The following NRXN3 variants were observed in gnomAD, a reference collection of about 807,000 sequenced individuals.
The protein encoded by NRXN3 is neurexin 3.
NRXN3 carries 32 observed loss-of-function variants against 137.6 expected under a neutral mutation model. The ratio of observed to expected loss-of-function variants is 0.23; its 90% CI spans 0.18 to 0.31. The LOEUF is 0.31. Ranked by LOEUF, NRXN3 falls within the 10% of genes least tolerant of loss-of-function variation. The probability of loss-of-function intolerance (pLI) is 1.00; values close to 1 mark genes in which losing one functional copy is unlikely to be tolerated. For synonymous variants in NRXN3, 798 were observed against 784.5 expected (o/e 1.02, Z -0.29); for missense variants, 1,574 against 2,062.5 (o/e 0.76, Z 4.59).
intron 15 of NRXN3, among the ~76,000 whole-genome samples, chr14:79,210,562 G>A (rs1374674756): frequency 6.6e-6 from 1 of 152,108 alleles, no homozygotes; most frequent in Non-Finnish European, 1.5e-5. Flanking sequence ...TAGAAACTTA[G>A]CTGGCTTGAA....
At chr14:78,466,937 A>T (rs531484035) in intron 4 of NRXN3, among the ~76,000 whole-genome samples, 2 of 152,312 alleles carry the variant, frequency 1.3e-5, no homozygotes, top group African/African-American at 4.8e-5. Context: ...ACAATCCCCC[A>T]TGACACAAGT....
chr14:79,332,917 C>T (rs1398298027), intron 15 of NRXN3, among the ~76,000 whole-genome samples: 1 of 152,080 alleles, frequency 6.6e-6, no homozygotes, highest in Non-Finnish European at 1.5e-5. Flanking sequence ...ATTGTAATGA[C>T]CACCCTTTTC....
At chr14:79,541,536 A>T (rs2097272599) in intron 16 of NRXN3, among the ~76,000 whole-genome samples, 1 of 152,186 alleles carries the variant, frequency 6.6e-6, no homozygotes, top group Admixed American at 6.5e-5. Context: ...TACATTCCAT[A>T]TCTTTTGGGG....
At chr14:79,274,705 A>G (rs2079998533) in intron 15 of NRXN3, among the ~76,000 whole-genome samples, 1 of 152,104 alleles carries the variant, frequency 6.6e-6, no homozygotes, top group Non-Finnish European at 1.5e-5. Flanking sequence ...GGAAGAGTTC[A>G]TATTTTTTTA....
chr14:78,413,438 A>T (rs550314467), intron 4 of NRXN3, among the ~76,000 whole-genome samples: 1 of 152,296 alleles, frequency 6.6e-6, no homozygotes, highest in African/African-American at 2.4e-5. Context: ...GGCATGTGCC[A>T]CCACGCCCGG....
chr14:78,524,500 A>G (rs1055277655), intron 4 of NRXN3, among the ~76,000 whole-genome samples: 30 of 152,302 alleles, frequency 2.0e-4, no homozygotes, highest in Non-Finnish European at 4.3e-4. Flanking sequence ...TATTAAAAAC[A>G]CTGATTCCTA....
At chr14:79,324,564 A>C (rs1442579729) in intron 15 of NRXN3, among the ~76,000 whole-genome samples, 1 of 152,186 alleles carries the variant, frequency 6.6e-6, no homozygotes, top group Non-Finnish European at 1.5e-5. Context: ...GAAAATATGC[A>C]CTATGTTTAG....
rs111458632 is a variant in NRXN3, at chr14:79,610,677, A to G, written c.3445-53101A>G. ...GACTTAGCAATTTAAACTGCTTCTA[A>G]ATAGAGTTACGTGAGTTTTTCCCCA... On this transcript the variant is annotated intron_variant, in intron 16 of 20. Transcript: ENST00000335750. Among the ~76,000 whole-genome samples, 574 of 152,310 alleles carry G rather than the reference A, an allele frequency of 3.8e-3. 7 individuals carry two copies. The highest frequency in any genetic ancestry group is 0.013 in the African/African-American group (539 of 41,558).
intron 15 of NRXN3, among the ~76,000 whole-genome samples, chr14:79,417,021 A>G (rs2095506619): frequency 6.6e-6 from 1 of 152,166 alleles, no homozygotes; most frequent in Non-Finnish European, 1.5e-5. Flanking sequence ...AGAACTTACA[A>G]ACATAGCCTT....
At chr14:79,262,690 A>T (rs776405631) in intron 15 of NRXN3, among the ~76,000 whole-genome samples, 1 of 152,178 alleles carries the variant, frequency 6.6e-6, no homozygotes, top group African/African-American at 2.4e-5. Flanking sequence ...GGAGAGGACA[A>T]ATGTGTACAA....
At chr14:79,745,114 G>A (rs1198023937) in intron 19 of NRXN3, among the ~76,000 whole-genome samples, 3 of 151,834 alleles carry the variant, frequency 2.0e-5, no homozygotes, top group Non-Finnish European at 4.4e-5. Flanking sequence ...TGCAGAACTA[G>A]GGGAGAAATT....
chr14:78,790,881 A>G (rs765769023), intron 8 of NRXN3, among the ~76,000 whole-genome samples: 44 of 152,220 alleles, frequency 2.9e-4, no homozygotes, highest in Non-Finnish European at 5.4e-4. Context: ...TTGTGAAGTT[A>G]TGGAGCTAAT....
intron 16 of NRXN3, among the ~76,000 whole-genome samples, chr14:79,583,073 A>T (rs991528884): frequency 6.6e-6 from 1 of 152,262 alleles, no homozygotes; most frequent in African/African-American, 2.4e-5. Context: ...CACACAAAAA[A>T]GTAAAACACA....
chr14:79,239,253 A>C (rs1366504263), intron 15 of NRXN3, among the ~76,000 whole-genome samples: 2 of 152,084 alleles, frequency 1.3e-5, no homozygotes, highest in Non-Finnish European at 2.9e-5. Context: ...GTTGTACTGT[A>C]CTCACTTATT....
rs372039727 is a variant in NRXN3 at position 78,434,115 on chromosome 14, GT to G, written c.757+136256del. On this transcript the variant is annotated intron_variant, in intron 4 of 20. Coordinates refer to ENST00000335750, the MANE Select transcript of NRXN3 (RefSeq NM_001330195.2). Reference sequence around the variant, plus strand: ...TACAGTAAAATGTTGAATATCTCATGTAATTTATCGAAATGTTGTACTGAAA... The same window carrying G: ...TACAGTAAAATGTTGAATATCTCATGAATTTATCGAAATGTTGTACTGAAA... Among the ~76,000 whole-genome samples, 24 of 152,298 alleles carry G rather than the reference GT, an allele frequency of 1.6e-4. 1 individual carries two copies. The South Asian group carries it at 4.8e-3, about 30-fold the overall frequency.
At chr14:79,542,219 A>G (rs1458090402) in intron 16 of NRXN3, among the ~76,000 whole-genome samples, 2 of 152,222 alleles carry the variant, frequency 1.3e-5, no homozygotes, top group South Asian at 4.1e-4. Context: ...GAAGAATAAC[A>G]AGATCTAGCC....
chr14:79,760,586 A>T (rs543381969), intron 19 of NRXN3: 1 of 151,706 alleles, frequency 6.6e-6, no homozygotes, highest in South Asian at 2.1e-4. Context: ...ATTTTTCACA[A>T]ACAGCAAGGG....
intron 4 of NRXN3, among the ~76,000 whole-genome samples, chr14:78,301,753 G>A (rs576194325): frequency 2.6e-5 from 4 of 151,700 alleles, no homozygotes; most frequent in Admixed American, 2.0e-4. Context: ...TCAGTGACAC[G>A]TCTGTGAGAT....
intron 6 of NRXN3, among the ~76,000 whole-genome samples, chr14:78,708,333 T>C (rs2098376301): frequency 6.6e-6 from 1 of 152,168 alleles, no homozygotes; most frequent in Non-Finnish European, 1.5e-5. Context: ...CTTTGTAAAA[T>C]CAGACTCTCA....
Sources: allele counts gnomAD v4.1 joint callset (sites outside exome capture counted in the v4.1 genomes callset), GRCh38; gene constraint gnomAD v4.1.1; transcripts MANE v1.5; gene names NCBI Gene and HGNC (gene_info 2026-07-23, HGNC 2026-07-21).